Variants in RHOBTB3 observed in about 807,000 individuals in gnomAD.
The protein encoded by RHOBTB3 is rho-related BTB domain-containing protein 3.
Under a neutral mutation model 67.2 loss-of-function variants are expected in RHOBTB3, and 47 were observed. The ratio of observed to expected loss-of-function variants is 0.70; its 90% CI spans 0.55 to 0.89. RHOBTB3 has a LOEUF of 0.89. Among genes scored for constraint, RHOBTB3 ranks in the 40% least tolerant of loss-of-function variants. RHOBTB3 has a pLI of 0.00. For missense variants in RHOBTB3, 631 were observed against 750.0 expected (o/e 0.84, Z 1.85); for synonymous variants, 273 against 274.2 (o/e 1.00, Z 0.04).
chr5:95,775,925 G>A (rs913846765), intron 8 of RHOBTB3, among the ~76,000 whole-genome samples: 1 of 152,066 alleles, frequency 6.6e-6, no homozygotes, highest in Non-Finnish European at 1.5e-5. Flanking sequence ...TTAAGTTACA[G>A]TGAAGTCTTA....
chr5:95,788,918 G>A (rs777326055), intron 11 of RHOBTB3, 60 bp downstream of exon 11: 1 of 1,067,798 alleles, frequency 9.4e-7, no homozygotes, highest in Admixed American at 2.7e-5. Flanking sequence ...TTAGATTTGA[G>A]ACATAAGTTG....
At chr5:95,719,944 T>G (rs997577241) in intron 1 of RHOBTB3, among the ~76,000 whole-genome samples, 2 of 152,178 alleles carry the variant, frequency 1.3e-5, no homozygotes, top group African/African-American at 4.8e-5. Context: ...GTACTCCAGG[T>G]GCTTAAAAAA....
intron 5 of RHOBTB3, among the ~76,000 whole-genome samples, chr5:95,752,793 G>A (rs893838035): frequency 6.6e-6 from 1 of 152,072 alleles, no homozygotes; most frequent in Non-Finnish European, 1.5e-5. Flanking sequence ...CATCATAATG[G>A]TATTGTGATG....
chr5:95,786,394 T>G (rs935176879), intron 10 of RHOBTB3, among the ~76,000 whole-genome samples: 1 of 152,214 alleles, frequency 6.6e-6, no homozygotes, highest in Non-Finnish European at 1.5e-5. Context: ...CATACTTTCT[T>G]AGATAGATGA....
At chr5:95,747,282 C>T (rs1163989511) in intron 3 of RHOBTB3, among the ~76,000 whole-genome samples, 1 of 152,172 alleles carries the variant, frequency 6.6e-6, no homozygotes. Context: ...CAGCTTTGGT[C>T]CCTGTTCCAA....
intron 1 of RHOBTB3, among the ~76,000 whole-genome samples, chr5:95,720,318 CTATT>C (rs1406785748): frequency 2.2e-5 from 2 of 92,434 alleles, no homozygotes; most frequent in Non-Finnish European, 3.7e-5. Flanking sequence ...AATAGTGACT[CTATT>C]TAGATCAATT....
chr5:95,775,218 T>A lies in RHOBTB3; in HGVS notation c.1283-5034T>A, dbSNP rs182787192. Among the ~76,000 whole-genome samples, 506 of 152,144 alleles carry A rather than the reference T, an allele frequency of 3.3e-3. 1 individual carries two copies. The highest frequency in any genetic ancestry group is 5.9e-3 in the Non-Finnish European group (398 of 67,990). On this transcript the variant is annotated intron_variant, in intron 8 of 11. Transcript: ENST00000379982. ...TATCTGAAAACTTATAAAGGTTAAG[T>A]ACCCTTAATCTAAAAACCCAAAATC... is the stretch of plus-strand genomic sequence containing the variant.
intron 8 of RHOBTB3, among the ~76,000 whole-genome samples, chr5:95,776,199 G>A (rs539284934): frequency 6.6e-6 from 1 of 152,186 alleles, no homozygotes; most frequent in African/African-American, 2.4e-5. Flanking sequence ...CTGAGGTCGG[G>A]AGTTCCAGAC....
intron 3 of RHOBTB3, among the ~76,000 whole-genome samples, chr5:95,743,508 C>T (rs1024417143): frequency 2.0e-5 from 3 of 152,034 alleles, no homozygotes; most frequent in African/African-American, 4.8e-5. Flanking sequence ...CAGGAGGCCT[C>T]TTCGGTCCTG....
At chr5:95,781,511 T>G (rs3822754) in intron 9 of RHOBTB3, 118,495 of 152,244 alleles carry the variant, frequency 0.78, 46,943 homozygotes, top group African/African-American at 0.92. Flanking sequence ...CTTGCAGCTT[T>G]CTGTAGAGTA....
intron 6 of RHOBTB3, 75 bp from the exon 7 acceptor site, chr5:95,763,433 G>A (rs1233482155): frequency 2.4e-6 from 2 of 832,990 alleles, no homozygotes; most frequent in Non-Finnish European, 2.0e-6. Flanking sequence ...AGGGAATGTT[G>A]TATTTAATAA....
intron 10 of RHOBTB3, 27 bp downstream of exon 10, chr5:95,783,990 C>A: frequency 2.0e-6 from 3 of 1,511,242 alleles, no homozygotes; most frequent in Non-Finnish European, 2.7e-6. Context: ...ATCTGATAGC[C>A]TAGTTTTTTA....
At chr5:95,725,778 C>A (rs1755036017) in intron 1 of RHOBTB3, among the ~76,000 whole-genome samples, 1 of 151,386 alleles carries the variant, frequency 6.6e-6, no homozygotes, top group Non-Finnish European at 1.5e-5. Flanking sequence ...CATGTGGTTG[C>A]TCTCATTGTA....
intron 3 of RHOBTB3, among the ~76,000 whole-genome samples, chr5:95,741,521 C>CTTTTTT (rs1561441040): frequency 3.8e-5 from 3 of 78,472 alleles, no homozygotes; most frequent in South Asian, 3.9e-4. Context: ...TTCTTTCTTT[C>CTTTTTT]TGTTTTTTTT....
Position 95,736,907 on chromosome 5 carries a change from T to A in RHOBTB3, c.247T>A (p.Trp83Arg). Residue 83 changes from tryptophan (W) to arginine (R), a missense_variant, in exon 3 of 12, where the codon TGG becomes AGG. Coordinates refer to ENST00000379982, the MANE Select transcript of RHOBTB3 (RefSeq NM_014899.4). ...CPVWDIFDSD[W>R]YTSRNLIGGA... is the part of the protein sequence containing the mutation. ...GGTTTAGGACATATTTGACAGTGAT[T>A]GGTACACTTCTCGAAATCTAATTGG... 1 of 1,608,084 alleles carries A rather than the reference T, an allele frequency of 6.2e-7. No homozygotes were observed. Among genetic ancestry groups the A allele is most frequent in the Non-Finnish European group, 8.5e-7 (1 of 1,178,178 alleles).
chr5:95,779,042 TG>T, intron 8 of RHOBTB3, among the ~76,000 whole-genome samples: 1 of 152,384 alleles, frequency 6.6e-6, no homozygotes, highest in East Asian at 1.9e-4. Context: ...TGGGCTTAGA[TG>T]TAACTCTTTT....
At chr5:95,766,863 G>C (rs556502629) in intron 7 of RHOBTB3, among the ~76,000 whole-genome samples, 1 of 152,174 alleles carries the variant, frequency 6.6e-6, no homozygotes, top group African/African-American at 2.4e-5. Context: ...CTCTTTATAG[G>C]TTCTAGTGGG....
rs1356841381 is a variant in RHOBTB3, at chr5:95,782,218, G to T, written c.1457-1579G>T. ...CACAGAAGACAGGTAATGTTATTAT[G>T]TTAAATATTCACCATACACAGTGTT... is the stretch of plus-strand genomic sequence containing the variant. On this transcript the variant is annotated intron_variant, in intron 9 of 11. Transcript: ENST00000379982. The T allele has an allele frequency of 3.3e-5, 5 of 152,292 alleles. No homozygotes were observed. In the East Asian group the frequency reaches 9.6e-4, roughly 29 times the overall value. 9.4% of individuals were successfully genotyped at this position (152,292 alleles called of 1,614,324 possible).
rs143720465 is a variant in RHOBTB3, at chr5:95,720,034, A to G, written n.133+2269A>G. Among the ~76,000 whole-genome samples, 560 of 152,320 alleles carry G rather than the reference A, an allele frequency of 3.7e-3. 5 individuals carry two copies. The highest frequency in any genetic ancestry group is 4.4e-3 in the Non-Finnish European group (299 of 68,028). On this transcript the variant is annotated intron_variant and non_coding_transcript_variant, in intron 1 of 5. Coordinates refer to the RHOBTB3 transcript ENST00000504949. Reference sequence around the variant, plus strand: ...GGGAAGACAGTGTTTGCTACCTATTATAAGTTTCTACCCCTTTAATAGTCG... The same window carrying G: ...GGGAAGACAGTGTTTGCTACCTATTGTAAGTTTCTACCCCTTTAATAGTCG...
Sources: gnomAD v4.1 joint callset for allele counts (sites outside exome capture counted in the v4.1 genomes callset) on GRCh38, gnomAD v4.1.1 for gene constraint, MANE v1.5 for transcripts, NCBI Gene and HGNC (gene_info 2026-07-23, HGNC 2026-07-21) for gene names.